The following TRPC5 variants were observed in gnomAD, a reference collection of about 807,000 sequenced individuals.
TRPC5 encodes the protein short transient receptor potential channel 5.
TRPC5 carries 9 observed loss-of-function variants against 56.5 expected under a neutral mutation model. The observed-to-expected ratio is 0.16, with a 90% CI of 0.10 to 0.28. The LOEUF (loss-of-function observed/expected upper bound fraction) is 0.28. Ranked by LOEUF, TRPC5 falls within the 10% of genes least tolerant of loss-of-function variation. TRPC5 has a pLI of 1.00. For synonymous variants in TRPC5, 282 were observed against 278.5 expected (o/e 1.01, Z -0.13); for missense variants, 469 against 748.9 (o/e 0.63, Z 4.36).
At chrX:111,912,145 C>T (rs1233762146) in intron 3 of TRPC5, 146 bp downstream of exon 3, 6 of 615,243 alleles carry the variant, frequency 9.8e-6, no homozygotes, top group Non-Finnish European at 1.5e-5. Context: ...TTGTCTGTGC[C>T]TCGGATAAAT....
intron 7 of TRPC5, among the ~76,000 whole-genome samples, chrX:111,822,737 T>G (rs1479937021): frequency 8.9e-6 from 1 of 112,411 alleles, no homozygotes; most frequent in Non-Finnish European, 1.9e-5. Flanking sequence ...TAGATATTTA[T>G]TCAATTGTTA....
chrX:112,013,051 G>A (rs1047555626), intron 1 of TRPC5, among the ~76,000 whole-genome samples: 8 of 112,265 alleles, frequency 7.1e-5, no homozygotes, highest in Non-Finnish European at 1.3e-4. Flanking sequence ...TGAGGCTTCA[G>A]TACATTTTGT....
At chrX:112,019,766 G>A (rs1457954956) in intron 1 of TRPC5, among the ~76,000 whole-genome samples, 1 of 111,556 alleles carries the variant, frequency 9.0e-6, no homozygotes, top group Non-Finnish European at 1.9e-5. Flanking sequence ...ATGAGGAAAT[G>A]GAGGCCTAGC....
intron 3 of TRPC5, among the ~76,000 whole-genome samples, chrX:111,888,254 G>T (rs937824763): frequency 2.7e-5 from 3 of 111,158 alleles, no homozygotes; most frequent in African/African-American, 9.8e-5. Context: ...ATATTATGCA[G>T]GGCCATATAA....
intron 7 of TRPC5, among the ~76,000 whole-genome samples, chrX:111,783,608 A>G (rs1366904473): frequency 9.1e-6 from 1 of 109,992 alleles, no homozygotes. Flanking sequence ...GCCCATTTTT[A>G]TTATATATAT....
chrX:111,971,794 G>A (rs1370553924), intron 1 of TRPC5, among the ~76,000 whole-genome samples: 1 of 111,693 alleles, frequency 9.0e-6, no homozygotes, highest in African/African-American at 3.3e-5. Flanking sequence ...AAATCTGGAG[G>A]AAAGATCACC....
At chrX:112,024,424 A>G (rs753401245) in intron 1 of TRPC5, among the ~76,000 whole-genome samples, 2 of 112,031 alleles carry the variant, frequency 1.8e-5, no homozygotes, top group South Asian at 7.5e-4. Context: ...CTAGGACATC[A>G]GTCTTTTCCT....
chrX:111,945,372 G>T (rs1473403868), intron 2 of TRPC5, among the ~76,000 whole-genome samples: 1 of 109,495 alleles, frequency 9.1e-6, no homozygotes, highest in East Asian at 2.9e-4. Flanking sequence ...TTCCCTGGTT[G>T]TCAAAAATCT....
chrX:112,080,002 C>T (rs1022142304), intron 1 of TRPC5, among the ~76,000 whole-genome samples: 2 of 111,664 alleles, frequency 1.8e-5, no homozygotes, highest in African/African-American at 6.5e-5. Flanking sequence ...CCAGTTCTTT[C>T]CTACCTGTCT....
intron 1 of TRPC5, among the ~76,000 whole-genome samples, chrX:112,014,817 TG>T (rs1929080031): frequency 9.0e-6 from 1 of 111,472 alleles, no homozygotes; most frequent in Non-Finnish European, 1.9e-5. Context: ...CTAAAAATAG[TG>T]GCTCTCAGTC....
intron 3 of TRPC5, among the ~76,000 whole-genome samples, chrX:111,887,461 C>G (rs913628845): frequency 1.8e-5 from 2 of 112,052 alleles, no homozygotes; most frequent in Admixed American, 1.9e-4. Context: ...CCCTTCCTAA[C>G]AAAGAATCTG....
At chrX:112,035,089 T>A (rs560816626) in intron 1 of TRPC5, among the ~76,000 whole-genome samples, 3,243 of 99,100 alleles carry the variant, frequency 0.033, 80 homozygotes, top group African/African-American at 0.087. Context: ...TTTTTTTTTT[T>A]AAAAAAAAAA....
chrX:112,023,246 G>GTTTTTTTTTTTTTT (rs1163231468), intron 1 of TRPC5, among the ~76,000 whole-genome samples: 13 of 56,695 alleles, frequency 2.3e-4, no homozygotes, highest in Non-Finnish European at 3.5e-4. Flanking sequence ...TTTTTTTTTT[G>GTTTTTTTTTTTTTT]TTTTTTTTTT....
chrX:111,939,695 G>A (rs1926712998), intron 2 of TRPC5, among the ~76,000 whole-genome samples: 1 of 111,763 alleles, frequency 8.9e-6, no homozygotes, highest in African/African-American at 3.2e-5. Context: ...ATAGTTGCTT[G>A]TAGTAGGCTC....
chrX:112,063,433 G>C (rs1336794290), intron 1 of TRPC5, among the ~76,000 whole-genome samples: 3 of 112,530 alleles, frequency 2.7e-5, no homozygotes, highest in Non-Finnish European at 5.6e-5. Context: ...GGCATAGCCT[G>C]TCTGCCTGAT....
At chrX:111,798,013 A>C (rs1921162395) in intron 7 of TRPC5, among the ~76,000 whole-genome samples, 1 of 111,806 alleles carries the variant, frequency 8.9e-6, no homozygotes, top group African/African-American at 3.2e-5. Flanking sequence ...TAACTCATAG[A>C]TGAACCGCAG....
In TRPC5 at chrX:112,037,427, C is replaced by T. The variant is rs766309883; in HGVS notation, c.-22+44452G>A. On this transcript the variant is annotated intron_variant, in intron 1 of 10. Coordinates refer to ENST00000262839, the MANE Select transcript of TRPC5 (RefSeq NM_012471.3). ...AATAGTTAATCATATTTGCTCTATC[C>T]GGCTTGTACTGGCTACTTCCTCTAG... is the stretch of plus-strand genomic sequence containing the variant. Among the ~76,000 whole-genome samples, 19 of 111,868 alleles carry T rather than the reference C, an allele frequency of 1.7e-4. No homozygotes were observed. The South Asian group carries it at 3.4e-3, about 20-fold the overall frequency.
At chrX:111,915,332 G>A (rs895272943) in intron 2 of TRPC5, among the ~76,000 whole-genome samples, 7 of 111,799 alleles carry the variant, frequency 6.3e-5, no homozygotes, top group Non-Finnish European at 1.3e-4. Flanking sequence ...CCTAACACCA[G>A]AGAGGAAACC....
intron 1 of TRPC5, among the ~76,000 whole-genome samples, chrX:112,043,769 C>T (rs1181826251): frequency 9.1e-6 from 1 of 110,418 alleles, no homozygotes; most frequent in Non-Finnish European, 1.9e-5. Flanking sequence ...ATGATAAAAG[C>T]TTTTTCCACT....
Sources: allele counts gnomAD v4.1 joint callset (sites outside exome capture counted in the v4.1 genomes callset), GRCh38; gene constraint gnomAD v4.1.1; transcripts MANE v1.5; gene names NCBI Gene and HGNC (gene_info 2026-07-23, HGNC 2026-07-21).